The following MAP7 variants were observed in gnomAD, a reference collection of about 807,000 sequenced individuals.
The protein encoded by MAP7 is microtubule associated protein 7.
A neutral mutation model predicts 94.8 loss-of-function variants in MAP7; 52 were observed. That is an observed-to-expected ratio of 0.55 (90% CI 0.44 to 0.69). MAP7 has a LOEUF of 0.69. Among genes scored for constraint, MAP7 ranks in the 30% least tolerant of loss-of-function variants. The probability of loss-of-function intolerance (pLI) is 0.00; values close to 1 mark genes in which losing one functional copy is unlikely to be tolerated. For synonymous variants in MAP7, 350 were observed against 357.0 expected, an observed-to-expected ratio of 0.98 and a Z score of 0.22; for missense variants, 940 against 964.6, an observed-to-expected ratio of 0.97 and a Z score of 0.34.
chr6:136,505,245 C>CGGAA (rs1194591442), intron 1 of MAP7, among the ~76,000 whole-genome samples: 1 of 114,974 alleles, frequency 8.7e-6, no homozygotes, highest in Non-Finnish European at 1.7e-5. Context: ...ATTACATTTC[C>CGGAA]ATGTAATGTG....
intron 11 of MAP7, 131 bp from the exon 12 acceptor site, chr6:136,361,310 C>A: frequency 2.3e-6 from 2 of 882,738 alleles, no homozygotes; most frequent in Non-Finnish European, 1.8e-6. Context: ...TGGATGCCTT[C>A]ACCACTGCTA....
At chr6:136,383,981 A>G (rs1352491181) in intron 5 of MAP7, among the ~76,000 whole-genome samples, 200 bp from the exon 6 acceptor site, 1 of 152,248 alleles carries the variant, frequency 6.6e-6, no homozygotes. Flanking sequence ...TAAAGGATAA[A>G]ATAAATATTT....
At chr6:136,372,908 T>C (rs1215963168) in intron 7 of MAP7, among the ~76,000 whole-genome samples, 4 of 152,190 alleles carry the variant, frequency 2.6e-5, no homozygotes, top group African/African-American at 9.7e-5. Context: ...TAAATACTAA[T>C]GAAAGATGTA....
intron 1 of MAP7, among the ~76,000 whole-genome samples, chr6:136,521,085 GC>G (rs770356474): frequency 5.9e-5 from 9 of 152,228 alleles, no homozygotes; most frequent in Non-Finnish European, 8.8e-5. Flanking sequence ...TATGGTGACA[GC>G]TGCTACTTAG....
At chr6:136,521,463 A>C (rs1438386887) in intron 1 of MAP7, among the ~76,000 whole-genome samples, 1 of 152,164 alleles carries the variant, frequency 6.6e-6, no homozygotes, top group African/African-American at 2.4e-5. Context: ...AAATCAAGTA[A>C]AAGTCATTTA....
At chr6:136,374,238 G>A (rs552282131) in intron 7 of MAP7, among the ~76,000 whole-genome samples, 2 of 152,312 alleles carry the variant, frequency 1.3e-5, no homozygotes, top group East Asian at 1.9e-4. Context: ...GATTTGTATT[G>A]TGAAGGAAGG....
Position 136,362,528 on chromosome 6 carries a change from A to G in MAP7, c.1448T>C (p.Leu483Pro). ...TTDPEEATRLLAEKRRLAREQ... is the reference protein window; with the variant it reads ...TTDPEEATRLPAEKRRLAREQ... ...TCGGGCCAGCCGCCTCTTCTCAGCT[A>G]GAAGCCTTGTGGCCTCCTCTGGGTC... Residue 483 changes from leucine (L) to proline (P), a missense_variant, in exon 11 of 18, where the codon CTA (leucine) becomes CCA (proline). Physicochemically the swap from Leu to Pro is moderately conservative, Grantham distance 98 (BLOSUM62 -3). Coordinates refer to ENST00000354570, the MANE Select transcript of MAP7 (RefSeq NM_003980.6). 6.2e-7 allele frequency: 1 copy of G among 1,614,144 alleles called. No individual in the cohort carries two copies. The highest frequency in any genetic ancestry group is 8.5e-7 in the Non-Finnish European group (1 of 1,180,032).
At chr6:136,519,258 C>T (rs1825722270) in intron 1 of MAP7, among the ~76,000 whole-genome samples, 2 of 152,096 alleles carry the variant, frequency 1.3e-5, no homozygotes, top group Non-Finnish European at 2.9e-5. Flanking sequence ...ATGAATTTGA[C>T]CTCAAGATTT....
intron 1 of MAP7, among the ~76,000 whole-genome samples, chr6:136,532,856 GT>G (rs558637800): frequency 6.6e-6 from 1 of 152,208 alleles, no homozygotes; most frequent in African/African-American, 2.4e-5. Context: ...TGGTCCCGAG[GT>G]TTTAGCCTTA....
intron 1 of MAP7, among the ~76,000 whole-genome samples, chr6:136,514,580 C>CAAAAAAAAAAAAAAAAAAAAAA (rs1046225937): frequency 4.1e-5 from 2 of 49,050 alleles, no homozygotes; most frequent in African/African-American, 1.3e-4. Context: ...GACTCTGTCT[C>CAAAAAAAAAAAAAAAAAAAAAA]AAAAAAAAAA....
chr6:136,489,416 C>G (rs1167436215), intron 1 of MAP7, among the ~76,000 whole-genome samples: 1 of 151,818 alleles, frequency 6.6e-6, no homozygotes, highest in African/African-American at 2.4e-5. Flanking sequence ...CCATTCTTGC[C>G]TAGGCCTGTA....
chr6:136,475,067 T>G (rs1415447856), intron 1 of MAP7, among the ~76,000 whole-genome samples: 2 of 152,198 alleles, frequency 1.3e-5, no homozygotes, highest in African/African-American at 2.4e-5. Flanking sequence ...TCTTCATAGA[T>G]GTACCAAATA....
chr6:136,513,111 C>A (rs1179023780), intron 1 of MAP7, among the ~76,000 whole-genome samples: 3 of 152,206 alleles, frequency 2.0e-5, no homozygotes, highest in African/African-American at 4.8e-5. Context: ...TCTCAAAGCA[C>A]TGGGATTATA....
intron 16 of MAP7, among the ~76,000 whole-genome samples, chr6:136,355,727 C>T (rs980882974): frequency 6.6e-5 from 10 of 152,168 alleles, no homozygotes; most frequent in African/African-American, 2.4e-4. Context: ...GCATTAAAGA[C>T]AGGAAGACTC....
At chr6:136,449,398 C>T (rs1158690485) in intron 1 of MAP7, among the ~76,000 whole-genome samples, 1 of 152,212 alleles carries the variant, frequency 6.6e-6, no homozygotes, top group Non-Finnish European at 1.5e-5. Context: ...GAGAATCGTG[C>T]AGCTCCCCAA....
intron 1 of MAP7, among the ~76,000 whole-genome samples, chr6:136,454,987 A>T (rs1026508038): frequency 1.3e-5 from 2 of 152,134 alleles, no homozygotes; most frequent in Non-Finnish European, 2.9e-5. Context: ...AGACACTAGG[A>T]GACAAAAATT....
chr6:136,520,464 ATGTTCCATT>A (rs1405447250), intron 1 of MAP7, among the ~76,000 whole-genome samples: 1 of 152,202 alleles, frequency 6.6e-6, no homozygotes, highest in East Asian at 1.9e-4. Flanking sequence ...TTGTTTCATA[ATGTTCCATT>A]TACTCTGAAA....
rs149014254 is a variant in MAP7 at position 136,410,064 on chromosome 6, T to C, written c.244+1556A>G. On this transcript the variant is annotated intron_variant, in intron 3 of 17. Transcript: ENST00000354570. ...TTTCACCAGCAGCATATTCGTGCTT[T>C]CCACAAAAAACTAATGCTTTGTTTT... Among the ~76,000 whole-genome samples the C allele has an allele frequency of 9.3e-3, 1,412 of 152,326 alleles. 23 individuals are homozygous for C. Among genetic ancestry groups the C allele is most frequent in the African/African-American group, 0.032 (1,335 of 41,566 alleles).
At chr6:136,383,855 G>A in intron 5 of MAP7, 74 bp from the exon 6 acceptor site, 1 of 837,374 alleles carries the variant, frequency 1.2e-6, no homozygotes, top group Non-Finnish European at 2.0e-6. Flanking sequence ...CTGATGGAAG[G>A]AAAAACTAGG....
Sources: allele counts gnomAD v4.1 joint callset (sites outside exome capture counted in the v4.1 genomes callset), GRCh38; gene constraint gnomAD v4.1.1; transcripts MANE v1.5; gene names NCBI Gene and HGNC (gene_info 2026-07-23, HGNC 2026-07-21).